Variants in ZNF827 observed in about 807,000 individuals in gnomAD.
ZNF827 encodes zinc finger protein 827.
Under a neutral mutation model 102.4 loss-of-function variants are expected in ZNF827, and 13 were observed. That is an observed-to-expected ratio of 0.13 (90% confidence interval 0.08 to 0.20). The LOEUF is 0.20. Ranked by LOEUF, ZNF827 falls within the 10% of genes least tolerant of loss-of-function variation. The probability of loss-of-function intolerance (pLI) is 1.00; values close to 1 mark genes in which losing one functional copy is unlikely to be tolerated. For synonymous variants in ZNF827, 523 were observed against 536.2 expected, an observed-to-expected ratio of 0.98 and a Z score of 0.34; for missense variants, 1,103 against 1,344.4, an observed-to-expected ratio of 0.82 and a Z score of 2.81.
intron 10 of ZNF827, 61 bp from the exon 11 acceptor site, chr4:145,774,733 T>C: frequency 4.5e-6 from 7 of 1,547,146 alleles, no homozygotes; most frequent in Middle Eastern, 1.7e-4. Flanking sequence ...CTTCTAAATG[T>C]AGGCTGTCCA....
At chr4:145,917,873 C>G (rs1366605443) in intron 1 of ZNF827, among the ~76,000 whole-genome samples, 1 of 151,990 alleles carries the variant, frequency 6.6e-6, no homozygotes, top group Non-Finnish European at 1.5e-5. Context: ...TCTTTTTCAC[C>G]TAAGAACTGT....
intron 8 of ZNF827, among the ~76,000 whole-genome samples, chr4:145,800,688 C>T (rs751678557): frequency 2.1e-4 from 32 of 152,172 alleles, no homozygotes; most frequent in Non-Finnish European, 3.7e-4. Flanking sequence ...TGACAATTCC[C>T]TACTGTGGGG....
chr4:145,777,255 T>A (rs1478848265), intron 9 of ZNF827, among the ~76,000 whole-genome samples: 1 of 152,220 alleles, frequency 6.6e-6, no homozygotes, highest in African/African-American at 2.4e-5. Context: ...TGTGTTTGTA[T>A]GAATAAGTGA....
chr4:145,912,319 G>A (rs970831344), intron 1 of ZNF827, among the ~76,000 whole-genome samples: 20 of 152,134 alleles, frequency 1.3e-4, no homozygotes, highest in African/African-American at 4.6e-4. Flanking sequence ...TGTATTTTAA[G>A]TTCTTATTCC....
At chr4:145,815,370 C>T (rs921372105) in intron 8 of ZNF827, among the ~76,000 whole-genome samples, 9 of 152,102 alleles carry the variant, frequency 5.9e-5, no homozygotes, top group Non-Finnish European at 1.2e-4. Flanking sequence ...TGCTAAGAGA[C>T]ACAATGAATG....
At chr4:145,845,048 G>C (rs1394885595) in intron 7 of ZNF827, among the ~76,000 whole-genome samples, 2 of 152,182 alleles carry the variant, frequency 1.3e-5, no homozygotes, top group Admixed American at 6.5e-5. Context: ...AGTTTCTACT[G>C]TTCCTAGTTG....
intron 1 of ZNF827, among the ~76,000 whole-genome samples, chr4:145,919,940 C>A (rs953397497): frequency 9.2e-5 from 14 of 152,188 alleles, no homozygotes; most frequent in African/African-American, 3.1e-4. Flanking sequence ...AGCTTTGGAA[C>A]CAGACACTCC....
chr4:145,768,748 C>A (rs1287762660), intron 11 of ZNF827, among the ~76,000 whole-genome samples: 5 of 143,392 alleles, frequency 3.5e-5, no homozygotes, highest in African/African-American at 1.3e-4. Flanking sequence ...ATCCCAGCTA[C>A]TTGGGAGGGT....
intron 8 of ZNF827, among the ~76,000 whole-genome samples, chr4:145,815,248 G>A (rs1287621819): frequency 2.6e-5 from 4 of 152,186 alleles, no homozygotes. Context: ...TTCTGGGGAT[G>A]GTGTGGTGAA....
Position 145,859,498 on chromosome 4 carries a change from G to T in ZNF827, c.1982-9937C>A, listed in dbSNP as rs909066036. Among the ~76,000 whole-genome samples, 4 of 152,158 alleles carry T rather than the reference G, an allele frequency of 2.6e-5. No individual in the cohort carries two copies. The East Asian group carries it at 7.7e-4, about 29-fold the overall frequency. ...TGGGAGTCGTTGGACTGTGGGGTGG[G>T]ACCTCCCACTAGTAGATAATGTTCC... On this transcript the variant is annotated intron_variant, in intron 5 of 14. Coordinates refer to ENST00000508784, the MANE Select transcript of ZNF827 (RefSeq NM_001306215.2).
intron 1 of ZNF827, among the ~76,000 whole-genome samples, chr4:145,910,631 A>G (rs748395591): frequency 4.0e-5 from 6 of 151,896 alleles, no homozygotes; most frequent in African/African-American, 1.2e-4. Flanking sequence ...TCACTTCCCA[A>G]CCTTGCTCCA....
At chr4:145,856,682 TACACACACACACACACAC>T (rs58347486) in intron 5 of ZNF827, among the ~76,000 whole-genome samples, 284 of 141,892 alleles carry the variant, frequency 2.0e-3, no homozygotes, top group African/African-American at 6.7e-3. Flanking sequence ...AGTACACACA[TACACACACACACACACAC>T]ACACACACAC....
rs138237650 is a variant in ZNF827 at position 145,768,066 on chromosome 4, C to T, written c.2861-2328G>A. 5.0e-3 allele frequency among the ~76,000 whole-genome samples: 767 copies of T among 152,172 alleles called. 13 individuals carry two copies. The highest frequency in any genetic ancestry group is 3.9e-3 in the Admixed American group (59 of 15,292). On this transcript the variant is annotated intron_variant, in intron 11 of 14. Coordinates refer to ENST00000508784, the MANE Select transcript of ZNF827 (RefSeq NM_001306215.2). ...AGTAAACATATGACAATAGTATAAACGCTAGGAGGAGAGAAATGGAAGTCT... is the reference window on the plus strand; with the variant it reads ...AGTAAACATATGACAATAGTATAAATGCTAGGAGGAGAGAAATGGAAGTCT...
intron 4 of ZNF827, among the ~76,000 whole-genome samples, chr4:145,880,754 G>C (rs1380106621): frequency 6.6e-6 from 1 of 151,944 alleles, no homozygotes; most frequent in African/African-American, 2.4e-5. Context: ...AGCAAGGCAG[G>C]GTTAAAAGGA....
chr4:145,788,012 G>C (rs952536225), intron 8 of ZNF827, among the ~76,000 whole-genome samples: 3 of 152,144 alleles, frequency 2.0e-5, no homozygotes, highest in Non-Finnish European at 2.9e-5. Flanking sequence ...TAGAGAAACT[G>C]AGTAATGACC....
At chr4:145,845,557 G>A (rs1050056598) in intron 7 of ZNF827, among the ~76,000 whole-genome samples, 5 of 152,164 alleles carry the variant, frequency 3.3e-5, no homozygotes, top group Admixed American at 3.3e-4. Flanking sequence ...TCAGGAGCAG[G>A]GTTGCAATAA....
intron 7 of ZNF827, among the ~76,000 whole-genome samples, chr4:145,838,760 C>A (rs62345822): frequency 6.6e-6 from 1 of 152,178 alleles, no homozygotes; most frequent in African/African-American, 2.4e-5. Flanking sequence ...CAAGGATACA[C>A]ACCACCAACT....
At chr4:145,907,028 G>A (rs748038294) in intron 1 of ZNF827, 62 of 456,112 alleles carry the variant, frequency 1.4e-4, no homozygotes, top group Admixed American at 5.9e-4. Flanking sequence ...GAAACTTGAG[G>A]AGAAACATAG....
intron 8 of ZNF827, among the ~76,000 whole-genome samples, chr4:145,801,836 C>T (rs901076201): frequency 3.3e-5 from 5 of 151,430 alleles, no homozygotes; most frequent in African/African-American, 7.3e-5. Flanking sequence ...CCTTTCAATA[C>T]GTATGCTTTT....
Sources: gnomAD v4.1 joint callset for allele counts (sites outside exome capture counted in the v4.1 genomes callset) on GRCh38, gnomAD v4.1.1 for gene constraint, MANE v1.5 for transcripts, NCBI Gene and HGNC (gene_info 2026-07-23, HGNC 2026-07-21) for gene names.